Variants in SPTLC3 observed in about 807,000 individuals in gnomAD.
SPTLC3 encodes serine palmitoyltransferase 3.
SPTLC3 carries 36 observed loss-of-function variants against 59.3 expected under a neutral mutation model. The observed-to-expected ratio is 0.61, with a 90% CI of 0.47 to 0.80. The LOEUF (loss-of-function observed/expected upper bound fraction) is 0.80. SPTLC3 is among the 30% of genes least tolerant of loss of function. The pLI, the probability that SPTLC3 is intolerant of heterozygous loss-of-function variation, is 0.00. For missense variants in SPTLC3, 625 were observed against 685.1 expected (o/e 0.91, Z 0.98); for synonymous variants, 257 against 240.8 (o/e 1.07, Z -0.62).
chr20:13,115,865 A>T (rs963456044), intron 7 of SPTLC3, among the ~76,000 whole-genome samples: 1 of 152,184 alleles, frequency 6.6e-6, no homozygotes, highest in African/African-American at 2.4e-5. Context: ...TTTGTATTGC[A>T]TATGAGGAAA....
At chr20:13,016,214 G>A (rs1422008326) in intron 1 of SPTLC3, among the ~76,000 whole-genome samples, 1 of 152,002 alleles carries the variant, frequency 6.6e-6, no homozygotes, top group Non-Finnish European at 1.5e-5. Context: ...GGAAGGAAAG[G>A]AATATGCTAG....
chr20:13,101,523 T>C (rs958844376), intron 6 of SPTLC3, among the ~76,000 whole-genome samples: 1 of 152,200 alleles, frequency 6.6e-6, no homozygotes, highest in African/African-American at 2.4e-5. Context: ...CATTTTCTAC[T>C]GTGGGCAGCT....
intron 3 of SPTLC3, among the ~76,000 whole-genome samples, chr20:13,072,711 T>C (rs528331880): frequency 1.3e-5 from 2 of 152,330 alleles, no homozygotes; most frequent in South Asian, 4.1e-4. Context: ...CTCTCCTACT[T>C]ACAGCTGAAT....
chr20:13,132,171 ATTTTTTTTTT>A (rs35718222), intron 9 of SPTLC3, among the ~76,000 whole-genome samples: 14 of 104,002 alleles, frequency 1.3e-4, no homozygotes, highest in Non-Finnish European at 2.4e-4. Flanking sequence ...CCTTGCTTTA[ATTTTTTTTTT>A]TTTTTTTTTT....
At chr20:13,010,708 A>G (rs1207337524) in intron 1 of SPTLC3, among the ~76,000 whole-genome samples, 3 of 152,148 alleles carry the variant, frequency 2.0e-5, no homozygotes, top group African/African-American at 7.2e-5. Context: ...ACTCAAGACG[A>G]TCCTTGCCTC....
intron 8 of SPTLC3, 32 bp from the exon 9 acceptor site, chr20:13,126,559 C>A (rs1185052676): frequency 5.0e-6 from 8 of 1,610,448 alleles, no homozygotes; most frequent in Admixed American, 3.3e-5. Context: ...GATTTATTTG[C>A]CTTCTTTTTG....
At chr20:13,074,035 G>T (rs1988547805) in intron 3 of SPTLC3, 1 of 637,890 alleles carries the variant, frequency 1.6e-6, no homozygotes. Flanking sequence ...AAGCTCTGGA[G>T]CTGTGGCAGG....
Position 13,059,467 on chromosome 20 carries a change from A to C in SPTLC3, c.303+10337A>C, listed in dbSNP as rs572648285. Reference sequence around the variant, plus strand: ...AATTTGCAATTCGGCTACCACCTGCATTCAGGTGCAGGCAGCGCCATCCCT... The same window carrying C: ...AATTTGCAATTCGGCTACCACCTGCCTTCAGGTGCAGGCAGCGCCATCCCT... On this transcript the variant is annotated intron_variant, in intron 2 of 11. Transcript: ENST00000399002. Among the ~76,000 whole-genome samples, 9 of 152,312 alleles carry C rather than the reference A, an allele frequency of 5.9e-5. No individual in the cohort carries two copies. The South Asian group carries it at 1.9e-3, about 32-fold the overall frequency.
In SPTLC3 at chr20:13,028,138, C is replaced by A. The variant is rs150040806; in HGVS notation, c.117+18754C>A. 3.3e-4 allele frequency among the ~76,000 whole-genome samples: 50 copies of A among 152,316 alleles called. No individual in the cohort carries two copies. The East Asian group carries it at 8.3e-3, about 25-fold the overall frequency. ...ACATAACATGCTTTTCAACCACCTA[C>A]TTTGATAATTAGTCCTAAGGAAACT... On this transcript the variant is annotated intron_variant, in intron 1 of 11. Transcript: ENST00000399002.
intron 9 of SPTLC3, among the ~76,000 whole-genome samples, chr20:13,131,847 G>A (rs543185542): frequency 4.6e-5 from 7 of 152,196 alleles, no homozygotes; most frequent in Non-Finnish European, 7.4e-5. Flanking sequence ...ACTTTCTGTC[G>A]TCTTTTCAGC....
intron 6 of SPTLC3, among the ~76,000 whole-genome samples, chr20:13,107,353 T>G (rs1221387848): frequency 6.6e-6 from 1 of 152,094 alleles, no homozygotes; most frequent in Non-Finnish European, 1.5e-5. Context: ...GAAATAGTGC[T>G]CACAAAGAAT....
intron 5 of SPTLC3, among the ~76,000 whole-genome samples, chr20:13,091,540 T>C (rs1032858913): frequency 1.1e-4 from 16 of 150,348 alleles, no homozygotes; most frequent in African/African-American, 3.7e-4. Flanking sequence ...GCCACTGCAC[T>C]CTAGCCTGGT....
In SPTLC3 at chr20:13,166,749, T is replaced by A. The variant is rs372956837; in HGVS notation, c.*1882T>A. On this transcript the variant is annotated 3_prime_UTR_variant, in exon 12 of 12. Transcript: ENST00000399002. The stretch of plus-strand genomic sequence containing the variant: ...CACAAGGTATGGAAAGCAATAAACA[T>A]CTTCCTTTCTTTCTGGATCTGTCTG... 3.3e-5 allele frequency: 5 copies of A among 152,308 alleles called. No individual in the cohort carries two copies. Among genetic ancestry groups the A allele is most frequent in the East Asian group, 1.9e-4 (1 of 5,178 alleles). 9.4% of individuals were successfully genotyped at this position (152,308 alleles called of 1,614,324 possible). A position where few individuals can be genotyped will look rare whatever the true frequency, so the allele number is the denominator to read the frequency against.
chr20:13,092,392 C>T (rs1040935714), intron 5 of SPTLC3, among the ~76,000 whole-genome samples: 1 of 152,214 alleles, frequency 6.6e-6, no homozygotes, highest in Non-Finnish European at 1.5e-5. Flanking sequence ...AAATGTGTCT[C>T]ATCACAACTA....
At chr20:13,134,606 A>G (rs920642977) in intron 9 of SPTLC3, among the ~76,000 whole-genome samples, 1 of 152,204 alleles carries the variant, frequency 6.6e-6, no homozygotes, top group Admixed American at 6.5e-5. Context: ...TTTCTGAATC[A>G]GCTGTTTTAA....
In SPTLC3 at chr20:13,082,959, G is replaced by A. The variant is rs189131815; in HGVS notation, c.608-8124G>A. The stretch of plus-strand genomic sequence containing the variant: ...ATGTCCAGGTGATTATCTTTGGGAA[G>A]AGGGGCATTGAGGGTGGCAAAAGAA... On this transcript the variant is annotated intron_variant, in intron 4 of 11. Coordinates refer to ENST00000399002, the MANE Select transcript of SPTLC3 (RefSeq NM_018327.4). Among the ~76,000 whole-genome samples the A allele has an allele frequency of 8.5e-5, 13 of 152,310 alleles. No individual in the cohort carries two copies. In the East Asian group the frequency reaches 1.9e-3, roughly 23 times the overall value.
chr20:13,141,309 T>C (rs1183982517), intron 9 of SPTLC3, among the ~76,000 whole-genome samples: 7 of 152,212 alleles, frequency 4.6e-5, no homozygotes, highest in South Asian at 4.1e-4. Flanking sequence ...GATTTACTCC[T>C]CACTCAAATT....
At chr20:13,093,673 A>G in intron 6 of SPTLC3, 96 bp downstream of exon 6, 1 of 1,091,566 alleles carries the variant, frequency 9.2e-7, no homozygotes, top group Non-Finnish European at 1.3e-6. Context: ...CAAGGTGACA[A>G]CGTAGCCTCA....
At chr20:13,038,287 C>T (rs1986826396) in intron 1 of SPTLC3, among the ~76,000 whole-genome samples, 1 of 151,944 alleles carries the variant, frequency 6.6e-6, no homozygotes, top group Non-Finnish European at 1.5e-5. Context: ...AAATGTTTGG[C>T]AGAATTCACC....
Sources: allele counts gnomAD v4.1 joint callset (sites outside exome capture counted in the v4.1 genomes callset), GRCh38; gene constraint gnomAD v4.1.1; transcripts MANE v1.5; gene names NCBI Gene and HGNC (gene_info 2026-07-23, HGNC 2026-07-21).